LOXHD1: variants seen among roughly 807,000 people sequenced by gnomAD.
The protein encoded by LOXHD1 is lipoxygenase homology domain-containing protein 1.
LOXHD1 carries 205 observed loss-of-function variants against 248.2 expected under a neutral mutation model. The ratio of observed to expected loss-of-function variants is 0.83; its 90% confidence interval spans 0.74 to 0.93. The LOEUF is 0.93. Among genes scored for constraint, LOXHD1 ranks in the 40% least tolerant of loss-of-function variants. The pLI is 0.00. For synonymous variants in LOXHD1, 1,113 were observed against 1,162.8 expected, an observed-to-expected ratio of 0.96 and a Z score of 0.87; for missense variants, 2,930 against 2,971.6, an observed-to-expected ratio of 0.99 and a Z score of 0.33.
chr18:46,578,856 T>A (rs1430720671), intron 13 of LOXHD1, among the ~76,000 whole-genome samples: 5 of 152,204 alleles, frequency 3.3e-5, no homozygotes, highest in Admixed American at 1.3e-4. Context: ...CAGGTAGGCA[T>A]CCTTTCCCCA....
chr18:46,608,042 A>AAGGAAGGAAGGAAGGAAGGAAGGAAGGT, intron 6 of LOXHD1, among the ~76,000 whole-genome samples: 1 of 144,076 alleles, frequency 6.9e-6, no homozygotes, highest in Non-Finnish European at 1.5e-5. Context: ...GGAGGGAAGG[A>AAGGAAGGAAGGAAGGAAGGAAGGAAGGT]AGGAAGGAAG....
At chr18:46,555,547 C>A (rs2037290840) in intron 21 of LOXHD1, among the ~76,000 whole-genome samples, 2 of 152,168 alleles carry the variant, frequency 1.3e-5, no homozygotes, top group South Asian at 4.1e-4. Flanking sequence ...GGGAGCCCAA[C>A]AAGTCTATGG....
Position 46,534,895 on chromosome 18 carries a change from G to C in LOXHD1, c.4096-444C>G, listed in dbSNP as rs542929390. Among the ~76,000 whole-genome samples, 10 of 152,276 alleles carry C rather than the reference G, an allele frequency of 6.6e-5. No individual in the cohort carries two copies. In the South Asian group the frequency reaches 1.9e-3, roughly 28 times the overall value. On this transcript the variant is annotated intron_variant, in intron 26 of 40. Coordinates refer to ENST00000642948, the MANE Select transcript of LOXHD1 (RefSeq NM_001384474.1). ...CACCTTCCAGCCACTCCTTTTCTGT[G>C]CTCCCACATAGAAATGCCAGTCCCT... is the stretch of plus-strand genomic sequence containing the variant.
chr18:46,508,998 C>A (rs1035609238), intron 35 of LOXHD1, among the ~76,000 whole-genome samples: 9 of 151,980 alleles, frequency 5.9e-5, no homozygotes, highest in African/African-American at 2.2e-4. Flanking sequence ...GATGAGAGGT[C>A]CTGAGAAGGA....
At chr18:46,597,759 C>CT (rs551184983) in intron 8 of LOXHD1, among the ~76,000 whole-genome samples, 4,530 of 141,546 alleles carry the variant, frequency 0.032, 201 homozygotes, top group African/African-American at 0.1. Flanking sequence ...TAGAAAAATT[C>CT]TTTTTTTTTT....
At chr18:46,529,865 G>A (rs144821220) in intron 28 of LOXHD1, among the ~76,000 whole-genome samples, 3 of 152,102 alleles carry the variant, frequency 2.0e-5, no homozygotes, top group Non-Finnish European at 4.4e-5. Flanking sequence ...CTGCCCCAGC[G>A]GTTCAGGTCA....
intron 40 of LOXHD1, among the ~76,000 whole-genome samples, chr18:46,479,753 A>C (rs1051095884): frequency 7.1e-6 from 1 of 141,542 alleles, no homozygotes; most frequent in Non-Finnish European, 1.5e-5. Context: ...TTAGATGAAC[A>C]TTCTTAACAG....
rs951119911 is a variant in LOXHD1 at position 46,599,022 on chromosome 18, C to T, written c.1134+2195G>A. On this transcript the variant is annotated intron_variant, in intron 8 of 40. Transcript: ENST00000642948. ...AAGAATAACAAGGTAAACAAATTTC[C>T]CTAGCAGATACTAAGACAGTATAAA... Among the ~76,000 whole-genome samples the T allele has an allele frequency of 9.2e-5, 14 of 152,026 alleles. No homozygotes were observed. The South Asian group carries it at 2.7e-3, about 29-fold the overall frequency.
chr18:46,562,853 A>G lies in LOXHD1; in HGVS notation c.2598+212T>C, dbSNP rs556740093. ...TTAAAGCTCCCCAGGTGACTGTAAC[A>G]TGAGGCCAGGGGTGGGAATCACTGA... On this transcript the variant is annotated intron_variant, in intron 18 of 40. Transcript: ENST00000642948. Among the ~76,000 whole-genome samples, 10 of 152,302 alleles carry G rather than the reference A, an allele frequency of 6.6e-5. No homozygotes were observed. In the East Asian group the frequency reaches 1.7e-3, roughly 26 times the overall value.
intron 21 of LOXHD1, among the ~76,000 whole-genome samples, chr18:46,548,981 A>G (rs1598976146): frequency 6.6e-6 from 1 of 152,300 alleles, no homozygotes; most frequent in African/African-American, 2.4e-5. Context: ...CCTTGTACCG[A>G]CAGAACCAAA....
At chr18:46,486,113 A>G (rs1194089028) in intron 38 of LOXHD1, among the ~76,000 whole-genome samples, 2 of 152,066 alleles carry the variant, frequency 1.3e-5, no homozygotes, top group African/African-American at 4.8e-5. Flanking sequence ...ATACTGAGAG[A>G]GTGTGACATG....
At chr18:46,497,753 C>T (rs919974205) in intron 37 of LOXHD1, among the ~76,000 whole-genome samples, 7 of 152,042 alleles carry the variant, frequency 4.6e-5, no homozygotes, top group Non-Finnish European at 2.9e-5. Context: ...AGCTAATGCT[C>T]AAGTAAAAGA....
At position 46,524,816 on chromosome 18, in the gene LOXHD1, C is replaced by T. The variant is rs924829697; in HGVS notation, c.4632G>A (p.Lys1544=). The part of the protein sequence containing the change: ...SKWCADWYVE[K]VEIWNDTNED... Reference sequence around the variant, plus strand: ...CGTTGGTGTCATTCCAGATCTCCACCTTCTCCACGTACCAGTCTGCGCACC... The same window carrying T: ...CGTTGGTGTCATTCCAGATCTCCACTTTCTCCACGTACCAGTCTGCGCACC... Residue 1544 remains lysine (K), a synonymous_variant, in exon 30 of 41, where the codon AAG becomes AAA. Coordinates refer to ENST00000642948, the MANE Select transcript of LOXHD1 (RefSeq NM_001384474.1). 150 of 1,551,806 alleles carry T rather than the reference C, an allele frequency of 9.7e-5. No homozygotes were observed. The Admixed American group carries it at 1.3e-3, about 14-fold the overall frequency.
chr18:46,507,641 C>T lies in LOXHD1; in HGVS notation c.5589G>A (p.Lys1863=). The change falls in exon 36 of 41, where the codon AAG becomes AAA. Residue 1863 remains lysine (K), a synonymous_variant. Transcript: ENST00000642948. The part of the protein sequence containing the change: ...FYYGDWLSQR[K]GKKTLVCEMC... ...TTTCACACACCAGGGTCTTCTTGCC[C>T]TTCCGCTGGGACAGCCAGTCTCCAT... is the stretch of plus-strand genomic sequence containing the variant. The T allele has an allele frequency of 6.4e-7, 1 of 1,551,720 alleles. No individual in the cohort carries two copies. Among genetic ancestry groups the T allele is most frequent in the Non-Finnish European group, 8.7e-7 (1 of 1,146,980 alleles).
chr18:46,611,063 C>T (rs1303253022), intron 5 of LOXHD1, 139 bp from the exon 6 acceptor site: 10 of 968,964 alleles, frequency 1.0e-5, no homozygotes, highest in Non-Finnish European at 1.5e-5. Context: ...GGGCTCCTTA[C>T]ATCCCTCCAG....
chr18:46,566,967 C>T (rs868524830), intron 16 of LOXHD1, among the ~76,000 whole-genome samples: 4 of 152,322 alleles, frequency 2.6e-5, no homozygotes, highest in Middle Eastern at 3.4e-3. Context: ...CAGGACTCTG[C>T]GGTTCTGTGT....
intron 11 of LOXHD1, 75 bp downstream of exon 11, chr18:46,592,423 G>A: frequency 8.1e-7 from 1 of 1,237,514 alleles, no homozygotes; most frequent in East Asian, 2.5e-5. Flanking sequence ...AAATTTATGT[G>A]ACAGGGTCAT....
In LOXHD1 at chr18:46,502,121, C is replaced by T. The variant is rs923113021; in HGVS notation, c.5878+3717G>A. On this transcript the variant is annotated intron_variant, in intron 37 of 40. Transcript: ENST00000642948. ...CTTTGCTATTGAGAAGCAAATGAGG[C>T]CTCATGTTTCTTCTATTAAATTTAT... 3.3e-5 allele frequency among the ~76,000 whole-genome samples: 5 copies of T among 152,254 alleles called. No homozygotes were observed. The South Asian group carries it at 8.3e-4, about 25-fold the overall frequency.
chr18:46,517,462 T>C (rs1442570321), intron 34 of LOXHD1, among the ~76,000 whole-genome samples: 2 of 152,188 alleles, frequency 1.3e-5, no homozygotes, highest in African/African-American at 2.4e-5. Context: ...GTTATTATTA[T>C]AGGGTTGAGG....
Sources: gnomAD v4.1 joint callset for allele counts (sites outside exome capture counted in the v4.1 genomes callset) on GRCh38, gnomAD v4.1.1 for gene constraint, MANE v1.5 for transcripts, NCBI Gene and HGNC (gene_info 2026-07-23, HGNC 2026-07-21) for gene names.